Variants in C10orf105 observed in about 807,000 individuals in gnomAD.
C10orf105 encodes the protein uncharacterized protein C10orf105.
C10orf105 carries 2 observed loss-of-function variants against 0.6 expected under a neutral mutation model. That is an observed-to-expected ratio of 3.18 (90% CI 1.30 to 10.01). The LOEUF (loss-of-function observed/expected upper bound fraction) is 10.01, where lower values mean the gene tolerates loss of function less well. Ranked by LOEUF, C10orf105 falls within the 30% of genes most tolerant of loss-of-function variation. The pLI, the probability that C10orf105 is intolerant of heterozygous loss-of-function variation, is 0.04. For synonymous variants in C10orf105, 95 were observed against 82.4 expected (o/e 1.15, Z -0.83); for missense variants, 209 against 191.4 (o/e 1.09, Z -0.54).
intron 1 of C10orf105, among the ~76,000 whole-genome samples, chr10:71,727,458 G>C (rs1160887388): frequency 6.6e-6 from 1 of 152,204 alleles, no homozygotes; most frequent in East Asian, 1.9e-4. Context: ...CGGGAGAGCT[G>C]GGGGCCTTCC....
chr10:71,716,784 C>T (rs1364881088), intron 1 of C10orf105: 1 of 165,626 alleles, frequency 6.0e-6, no homozygotes, highest in Non-Finnish European at 1.3e-5. Context: ...AAGCTGCAAA[C>T]TGGGGGCCCA....
At position 71,729,538 on chromosome 10, in the gene C10orf105, C is replaced by T. The variant is rs556360701; in HGVS notation, c.-6+8190G>A. 7.9e-5 allele frequency among the ~76,000 whole-genome samples: 12 copies of T among 152,304 alleles called. No individual in the cohort carries two copies. In the East Asian group the frequency reaches 2.3e-3, roughly 29 times the overall value. Reference sequence around the variant, plus strand: ...AGGGGACGGAAGTTCCCAGGCATTTCTGCTCACTGGGCTGGTTTCCAACAG... The same window carrying T: ...AGGGGACGGAAGTTCCCAGGCATTTTTGCTCACTGGGCTGGTTTCCAACAG... On this transcript the variant is annotated intron_variant, in intron 1 of 1. Coordinates refer to the C10orf105 transcript ENST00000398786.
chr10:71,719,051 C>T (rs1008267698), intron 1 of C10orf105, among the ~76,000 whole-genome samples: 2 of 151,930 alleles, frequency 1.3e-5, no homozygotes, highest in African/African-American at 4.8e-5. Context: ...GCGCTACAGC[C>T]TGAGCGACAG....
chr10:71,734,957 C>G (rs1457509530), intron 1 of C10orf105, among the ~76,000 whole-genome samples: 4 of 152,254 alleles, frequency 2.6e-5, no homozygotes, highest in Admixed American at 2.0e-4. Flanking sequence ...AGCTCCACTC[C>G]TCGATGGCTG....
At chr10:71,723,045 C>T (rs1866628742), upstream of C10orf105, among the ~76,000 whole-genome samples, 1 of 152,172 alleles carries the variant, frequency 6.6e-6, no homozygotes, top group African/African-American at 2.4e-5. Flanking sequence ...CCCCTCTGAC[C>T]GTCTTGGCAG....
chr10:71,729,817 T>A (rs556980859), intron 1 of C10orf105, among the ~76,000 whole-genome samples: 337 of 151,878 alleles, frequency 2.2e-3, no homozygotes, highest in Admixed American at 4.6e-3. Flanking sequence ...TGGCATGGAG[T>A]GTGAACTATT....
At chr10:71,718,038 G>T (rs1334982666) in intron 1 of C10orf105, 2 of 152,168 alleles carry the variant, frequency 1.3e-5, no homozygotes, top group Non-Finnish European at 2.9e-5. Context: ...AATCCCAGGG[G>T]GTCTGATAAA....
intron 1 of C10orf105, chr10:71,717,414 C>A (rs1278482158): frequency 6.6e-6 from 1 of 152,268 alleles, no homozygotes; most frequent in African/African-American, 2.4e-5. Flanking sequence ...GGGAAATAAA[C>A]CCACAAGGAG....
At chr10:71,732,381 G>T in intron 1 of C10orf105, 1 of 1,556,404 alleles carries the variant, frequency 6.4e-7, no homozygotes, top group Non-Finnish European at 8.7e-7. Context: ...TCACGGTGAG[G>T]GGCTGGGGGC....
At chr10:71,729,619 T>C (rs1481389992) in intron 1 of C10orf105, among the ~76,000 whole-genome samples, 2 of 152,192 alleles carry the variant, frequency 1.3e-5, no homozygotes, top group Non-Finnish European at 2.9e-5. Flanking sequence ...CCTTAGGGGC[T>C]GGGAGCTGGC....
intron 1 of C10orf105, among the ~76,000 whole-genome samples, chr10:71,731,219 G>A (rs1357130336): frequency 2.6e-5 from 4 of 152,248 alleles, no homozygotes; most frequent in African/African-American, 9.6e-5. Context: ...CAGGGATACA[G>A]CTGAAAAGGA....
At chr10:71,729,238 G>A (rs941054931) in intron 1 of C10orf105, among the ~76,000 whole-genome samples, 25 of 152,200 alleles carry the variant, frequency 1.6e-4, no homozygotes, top group Admixed American at 1.1e-3. Flanking sequence ...GTGCGTAATT[G>A]CACAATTCAG....
chr10:71,728,616 T>G (rs1458701914), intron 1 of C10orf105, among the ~76,000 whole-genome samples: 1 of 152,196 alleles, frequency 6.6e-6, no homozygotes. Context: ...CCCTTAGTGC[T>G]GGTCACCACA....
chr10:71,728,196 C>G lies in C10orf105; in HGVS notation c.-6+9532G>C, dbSNP rs950894568. Among the ~76,000 whole-genome samples the G allele has an allele frequency of 1.8e-4, 28 of 152,254 alleles. 1 individual carries two copies. Among genetic ancestry groups the G allele is most frequent in the Admixed American group, 9.8e-4 (15 of 15,298 alleles). On this transcript the variant is annotated intron_variant, in intron 1 of 1. Coordinates refer to the C10orf105 transcript ENST00000398786. ...AAATTCATCCATGCAAACTCCCCCC[C>G]GCACCCACCCTACCCAGGATCTTCC...
In C10orf105 at chr10:71,730,380, A is replaced by G. The variant is rs373822680; in HGVS notation, c.-6+7348T>C. 8 of 1,509,972 alleles carry G rather than the reference A, an allele frequency of 5.3e-6. No individual in the cohort carries two copies. The African/African-American group carries it at 6.9e-5, about 13-fold the overall frequency. 93.5% of individuals were successfully genotyped at this position (1,509,972 alleles called of 1,614,324 possible). A position where few individuals can be genotyped will look rare whatever the true frequency, so the allele number is the denominator to read the frequency against. On this transcript the variant is annotated intron_variant, in intron 1 of 1. Coordinates refer to the C10orf105 transcript ENST00000398786. ...TCACAGCAGGCCCAGGAAAGCAGTGACCACACAAGGCGGCCACAGTGGGCC... is the reference window on the plus strand; with the variant it reads ...TCACAGCAGGCCCAGGAAAGCAGTGGCCACACAAGGCGGCCACAGTGGGCC...
At chr10:71,731,909 G>A (rs1009297469) in intron 1 of C10orf105, 7 of 1,496,630 alleles carry the variant, frequency 4.7e-6, no homozygotes, top group African/African-American at 1.4e-5. Flanking sequence ...GGGGGTATGG[G>A]TGTGGCAGCT....
intron 1 of C10orf105, chr10:71,732,860 A>C: frequency 3.6e-6 from 1 of 280,528 alleles, no homozygotes; most frequent in Non-Finnish European, 5.7e-6. Flanking sequence ...CCAGCTGGGA[A>C]TCCTATAGTT....
intron 1 of C10orf105, among the ~76,000 whole-genome samples, chr10:71,731,259 A>G (rs2132822451): frequency 6.6e-6 from 1 of 152,328 alleles, no homozygotes; most frequent in South Asian, 2.1e-4. Context: ...TGTCCCCCAG[A>G]GAGGCTCCCT....
At chr10:71,731,844 C>A in intron 1 of C10orf105, 1 of 792,380 alleles carries the variant, frequency 1.3e-6, no homozygotes, top group Non-Finnish European at 2.0e-6. Context: ...TGCTGCATCT[C>A]TGAGGATGAT....
Sources: gnomAD v4.1 joint callset for allele counts (sites outside exome capture counted in the v4.1 genomes callset) on GRCh38, gnomAD v4.1.1 for gene constraint, MANE v1.5 for transcripts, NCBI Gene and HGNC (gene_info 2026-07-23, HGNC 2026-07-21) for gene names.